TEAD1: variants seen among roughly 807,000 people sequenced by gnomAD.
The protein encoded by TEAD1 is transcriptional enhancer factor TEF-1.
In TEAD1, 9 loss-of-function variants were observed where a neutral mutation model predicts 54.9. The ratio of observed to expected loss-of-function variants is 0.16; its 90% confidence interval spans 0.10 to 0.29. The LOEUF (loss-of-function observed/expected upper bound fraction) is 0.29. TEAD1 is among the 10% of genes least tolerant of loss of function. TEAD1 has a pLI of 1.00. For missense variants in TEAD1, 387 were observed against 535.9 expected, an observed-to-expected ratio of 0.72 and a Z score of 2.74; for synonymous variants, 200 against 187.8, an observed-to-expected ratio of 1.07 and a Z score of -0.53.
At chr11:12,927,337 T>C (rs1372415850) in intron 11 of TEAD1, among the ~76,000 whole-genome samples, 8 of 152,178 alleles carry the variant, frequency 5.3e-5, no homozygotes, top group African/African-American at 1.4e-4. Flanking sequence ...AACAGATCTG[T>C]CCCCTTTAAA....
chr11:12,810,032 G>A (rs1946266080), intron 3 of TEAD1, among the ~76,000 whole-genome samples: 1 of 134,024 alleles, frequency 7.5e-6, no homozygotes. Context: ...CCAGGCTGTA[G>A]TGCAGTTGTG....
At chr11:12,825,042 C>T (rs774450217) in intron 3 of TEAD1, among the ~76,000 whole-genome samples, 20 of 152,226 alleles carry the variant, frequency 1.3e-4, no homozygotes, top group Non-Finnish European at 2.5e-4. Context: ...TTTCTAAGTA[C>T]GTTTTTTATT....
At chr11:12,762,980 C>T (rs535664542) in intron 2 of TEAD1, among the ~76,000 whole-genome samples, 10 of 152,178 alleles carry the variant, frequency 6.6e-5, no homozygotes, top group Non-Finnish European at 1.2e-4. Flanking sequence ...CACATGAAAC[C>T]CTCCCTACTC....
chr11:12,912,587 A>G (rs1199254918), intron 10 of TEAD1, among the ~76,000 whole-genome samples: 6 of 152,120 alleles, frequency 3.9e-5, no homozygotes, highest in Non-Finnish European at 1.5e-5. Context: ...CCCTGGTCAC[A>G]GGGGCATTCA....
intron 5 of TEAD1, among the ~76,000 whole-genome samples, chr11:12,870,924 T>G (rs1026199401): frequency 2.0e-5 from 3 of 152,122 alleles, no homozygotes; most frequent in Non-Finnish European, 4.4e-5. Flanking sequence ...GGACAGAAGC[T>G]AGAGTACAAA....
At chr11:12,701,895 A>C (rs114533702) in intron 2 of TEAD1, among the ~76,000 whole-genome samples, 2,778 of 152,310 alleles carry the variant, frequency 0.018, 86 homozygotes, top group African/African-American at 0.063. Context: ...ACTTTCTATA[A>C]GAAATTCTAT....
At chr11:12,865,098 T>C (rs1466475423) in intron 5 of TEAD1, 198 bp downstream of exon 5, 1 of 674,028 alleles carries the variant, frequency 1.5e-6, no homozygotes, top group Non-Finnish European at 2.7e-6. Context: ...TGAGCGCGTG[T>C]GTGTGTTTGC....
intron 5 of TEAD1, among the ~76,000 whole-genome samples, chr11:12,867,465 G>T (rs533651148): frequency 6.6e-6 from 1 of 152,324 alleles, no homozygotes; most frequent in African/African-American, 2.4e-5. Flanking sequence ...CACTCTGAGG[G>T]CATTAGGACA....
intron 2 of TEAD1, among the ~76,000 whole-genome samples, chr11:12,692,226 A>G (rs544439652): frequency 8.6e-5 from 13 of 151,846 alleles, no homozygotes; most frequent in Non-Finnish European, 1.5e-4. Flanking sequence ...TAGGCCAACC[A>G]CCCCCCAGTC....
intron 2 of TEAD1, among the ~76,000 whole-genome samples, chr11:12,689,281 T>A (rs950735224): frequency 6.6e-6 from 1 of 152,210 alleles, no homozygotes; most frequent in Non-Finnish European, 1.5e-5. Flanking sequence ...GGATTGAATC[T>A]GTTGGCTTAT....
chr11:12,865,542 T>C (rs1947599458), intron 5 of TEAD1: 1 of 152,120 alleles, frequency 6.6e-6, no homozygotes, highest in African/African-American at 2.4e-5. Context: ...AAAAAAAAGA[T>C]AGATCTTAGA....
intron 3 of TEAD1, among the ~76,000 whole-genome samples, chr11:12,829,490 T>C (rs1946727886): frequency 6.6e-6 from 1 of 152,238 alleles, no homozygotes; most frequent in Non-Finnish European, 1.5e-5. Context: ...CTTACCCTAA[T>C]GTTTGCCTTT....
chr11:12,709,346 T>TA (rs60875630), intron 2 of TEAD1, among the ~76,000 whole-genome samples: 313 of 144,648 alleles, frequency 2.2e-3, no homozygotes, highest in East Asian at 4.2e-3. Flanking sequence ...TCAAAAAAAA[T>TA]AAAAAAAAAA....
chr11:12,884,660 G>A (rs1304716070), intron 9 of TEAD1, among the ~76,000 whole-genome samples: 1 of 152,120 alleles, frequency 6.6e-6, no homozygotes, highest in Non-Finnish European at 1.5e-5. Flanking sequence ...AAATAGAGCT[G>A]CTTCCAAATT....
chr11:12,803,781 G>A (rs567913391), intron 3 of TEAD1, among the ~76,000 whole-genome samples: 1 of 152,178 alleles, frequency 6.6e-6, no homozygotes, highest in South Asian at 2.1e-4. Flanking sequence ...ACCTGCTAAC[G>A]AGGCCCTATT....
intron 9 of TEAD1, among the ~76,000 whole-genome samples, chr11:12,889,488 G>A (rs903301199): frequency 3.3e-5 from 5 of 152,194 alleles, no homozygotes; most frequent in African/African-American, 1.2e-4. Context: ...TGGTCTGGAT[G>A]CCATAGTGAG....
At chr11:12,803,102 A>ATTTTTT (rs144981643) in intron 3 of TEAD1, among the ~76,000 whole-genome samples, 3 of 146,650 alleles carry the variant, frequency 2.0e-5, no homozygotes, top group Non-Finnish European at 4.5e-5. Flanking sequence ...TTTCACCTGT[A>ATTTTTT]TTTTTTTTTT....
At chr11:12,824,248 TACACTGG>T (rs1256051778) in intron 3 of TEAD1, among the ~76,000 whole-genome samples, 1 of 152,230 alleles carries the variant, frequency 6.6e-6, no homozygotes, top group Non-Finnish European at 1.5e-5. Context: ...TAAAAATAAC[TACACTGG>T]ACACTGGGCT....
chr11:12,794,937 C>G (rs1449762798), intron 3 of TEAD1, among the ~76,000 whole-genome samples: 1 of 152,234 alleles, frequency 6.6e-6, no homozygotes, highest in African/African-American at 2.4e-5. Flanking sequence ...TGAGCACCTT[C>G]ACCTGATTCA....
Sources: allele counts gnomAD v4.1 joint callset (sites outside exome capture counted in the v4.1 genomes callset), GRCh38; gene constraint gnomAD v4.1.1; transcripts MANE v1.5; gene names NCBI Gene and HGNC (gene_info 2026-07-23, HGNC 2026-07-21).